The following ZNF69 variants were observed in gnomAD, a reference collection of about 807,000 sequenced individuals.
The protein encoded by ZNF69 is zinc finger protein 69.
In ZNF69, 47 loss-of-function variants were observed where a neutral mutation model predicts 50.9. That is an observed-to-expected ratio of 0.92 (90% CI 0.73 to 1.18). The LOEUF (loss-of-function observed/expected upper bound fraction) is 1.18, where lower values mean the gene tolerates loss of function less well. Among genes scored for constraint, ZNF69 ranks in the 50% most tolerant of loss-of-function variants. The probability of loss-of-function intolerance (pLI) is 0.00; values close to 1 mark genes in which losing one functional copy is unlikely to be tolerated. For synonymous variants in ZNF69, 216 were observed against 223.1 expected, an observed-to-expected ratio of 0.97 and a Z score of 0.29; for missense variants, 717 against 675.1, an observed-to-expected ratio of 1.06 and a Z score of -0.69.
the ZNF69 span, among the ~76,000 whole-genome samples, chr19:11,971,791 C>T: frequency 7.2e-5 from 11 of 152,124 alleles, no homozygotes. Context: ...TGGCCGGGCG[C>T]GGTGGCTCAC....
chr19:11,893,620 C>T (rs886888601), intron 1 of ZNF69, among the ~76,000 whole-genome samples: 1 of 152,144 alleles, frequency 6.6e-6, no homozygotes, highest in African/African-American at 2.4e-5. Context: ...CTTCAGTGCA[C>T]CCTCCTATCT....
At chr19:11,948,604 T>A in the ZNF69 span, 7 of 1,610,458 alleles carry the variant, frequency 4.3e-6, no homozygotes, top group Non-Finnish European at 5.9e-6. Flanking sequence ...AGAGAAACCC[T>A]ATGCTTGTAA....
the ZNF69 span, among the ~76,000 whole-genome samples, chr19:11,923,641 G>A: frequency 6.6e-6 from 1 of 152,188 alleles, no homozygotes; most frequent in African/African-American, 2.4e-5. Context: ...CACCTCCACC[G>A]CGATCTGGAA....
intron 1 of ZNF69, among the ~76,000 whole-genome samples, chr19:11,895,729 A>C (rs939386818): frequency 1.4e-4 from 22 of 152,214 alleles, no homozygotes; most frequent in African/African-American, 5.1e-4. Flanking sequence ...AATGCATGCT[A>C]AGGTAACATA....
the ZNF69 span, among the ~76,000 whole-genome samples, chr19:11,954,439 A>C: frequency 1.3e-5 from 2 of 152,216 alleles, no homozygotes; most frequent in Admixed American, 1.3e-4. Context: ...GTTGCTCTCT[A>C]ATTGTTTGTC....
chr19:11,919,140 C>T (rs1972545868), downstream of ZNF69, among the ~76,000 whole-genome samples: 1 of 152,036 alleles, frequency 6.6e-6, no homozygotes, highest in African/African-American at 2.4e-5. Context: ...CGTGATCCGC[C>T]TACCTTGGCC....
the ZNF69 span, among the ~76,000 whole-genome samples, chr19:11,923,122 G>A: frequency 3.3e-5 from 5 of 152,144 alleles, no homozygotes; most frequent in Non-Finnish European, 7.4e-5. Flanking sequence ...TGGCCTCCCA[G>A]GCTGTTGTTG....
the ZNF69 span, among the ~76,000 whole-genome samples, chr19:11,954,789 C>T: frequency 5.9e-5 from 9 of 152,052 alleles, no homozygotes; most frequent in East Asian, 1.4e-3. Context: ...CCCCTGCACT[C>T]CAGCCTGGGT....
chr19:11,965,734 C>A, the ZNF69 span, among the ~76,000 whole-genome samples: 1 of 152,186 alleles, frequency 6.6e-6, no homozygotes, highest in African/African-American at 2.4e-5. Flanking sequence ...AAAGTTTATT[C>A]GTAGCCAAAT....
rs757885094 is a variant in ZNF69, at chr19:11,905,103, C to T, written c.706C>T (p.Leu236Phe). 5.0e-6 allele frequency: 8 copies of T among 1,613,998 alleles called. No individual in the cohort carries two copies. In the East Asian group the frequency reaches 1.6e-4, roughly 31 times the overall value. Residue 236 changes from leucine to phenylalanine, a missense_variant, in exon 4 of 4, where the codon CTT becomes TTT. Physicochemically the swap from Leu to Phe is conservative, Grantham distance 22. Transcript: ENST00000429654. The part of the protein sequence containing the change: ...GKAFHCLSLY[L>F]IHERIHTGEK... Reference sequence around the variant, plus strand: ...AGCCTTCCATTGTCTCAGTTTATATCTTATCCATGAAAGAATTCACACTGG... The same window carrying T: ...AGCCTTCCATTGTCTCAGTTTATATTTTATCCATGAAAGAATTCACACTGG...
At chr19:11,950,429 CT>C in the ZNF69 span, 1 of 745,966 alleles carries the variant, frequency 1.3e-6, no homozygotes. Context: ...CCTTTTACTT[CT>C]TTTCAATGTC....
At chr19:11,926,083 A>G in the ZNF69 span, among the ~76,000 whole-genome samples, 1 of 152,102 alleles carries the variant, frequency 6.6e-6, no homozygotes, top group South Asian at 2.1e-4. Flanking sequence ...GGAGGTAGGA[A>G]GGAAGGGGGT....
the ZNF69 span, among the ~76,000 whole-genome samples, chr19:11,939,736 T>C: frequency 1.3e-5 from 2 of 152,136 alleles, no homozygotes; most frequent in African/African-American, 4.8e-5. Context: ...ACTGGAATTA[T>C]AGGCATGAGT....
the ZNF69 span, chr19:11,950,670 ATAAT>A: frequency 3.4e-6 from 1 of 290,264 alleles, no homozygotes; most frequent in Admixed American, 4.5e-5. Flanking sequence ...TTGAATACAG[ATAAT>A]TAATGTAAAC....
At chr19:11,963,118 T>TGA in the ZNF69 span, among the ~76,000 whole-genome samples, 1 of 139,152 alleles carries the variant, frequency 7.2e-6, no homozygotes, top group African/African-American at 3.0e-5. Flanking sequence ...TGTGTGTGTG[T>TGA]TTTGAGACAG....
the ZNF69 span, among the ~76,000 whole-genome samples, chr19:11,959,590 G>T: frequency 6.6e-6 from 1 of 152,162 alleles, no homozygotes; most frequent in Non-Finnish European, 1.5e-5. Context: ...TGAGCCTGTT[G>T]TAGACATGCT....
the ZNF69 span, chr19:11,925,018 T>TG: frequency 1.6e-4 from 82 of 526,894 alleles, no homozygotes; most frequent in African/African-American, 1.3e-3. Context: ...CACTCAGATG[T>TG]GGGGGGCGGG....
chr19:11,978,343 C>T, the ZNF69 span: 3 of 1,614,152 alleles, frequency 1.9e-6, no homozygotes, highest in Non-Finnish European at 2.5e-6. Context: ...CAGGACTATG[C>T]ACCAAAGCCA....
At chr19:11,917,232 C>T (rs565397162), downstream of ZNF69, among the ~76,000 whole-genome samples, 1 of 152,268 alleles carries the variant, frequency 6.6e-6, no homozygotes, top group East Asian at 1.9e-4. Flanking sequence ...GATTGGTGTT[C>T]AGCAAGCACC....
Sources: gnomAD v4.1 joint callset for allele counts (sites outside exome capture counted in the v4.1 genomes callset) on GRCh38, gnomAD v4.1.1 for gene constraint, MANE v1.5 for transcripts, NCBI Gene and HGNC (gene_info 2026-07-23, HGNC 2026-07-21) for gene names.